The following FMNL1 variants were observed in gnomAD, a reference collection of about 807,000 sequenced individuals.
The protein encoded by FMNL1 is formin like 1.
In FMNL1, 43 loss-of-function variants were observed where a neutral mutation model predicts 121.3. The ratio of observed to expected loss-of-function variants is 0.35; its 90% confidence interval spans 0.28 to 0.46. The LOEUF (loss-of-function observed/expected upper bound fraction) is 0.46, where lower values mean the gene tolerates loss of function less well. Ranked by LOEUF, FMNL1 falls within the 20% of genes least tolerant of loss-of-function variation. The pLI is 1.00. For synonymous variants in FMNL1, 613 were observed against 613.5 expected, an observed-to-expected ratio of 1.00 and a Z score of 0.01; for missense variants, 1,191 against 1,482.4, an observed-to-expected ratio of 0.80 and a Z score of 3.23.
At chr17:45,242,232 C>G (rs750478499) in intron 15 of FMNL1, 86 bp downstream of exon 15, 2 of 1,570,342 alleles carry the variant, frequency 1.3e-6, no homozygotes, top group Non-Finnish European at 1.7e-6. Flanking sequence ...GGGTCCTCTG[C>G]CTGGGGGCCT....
intron 11 of FMNL1, 138 bp from the exon 12 acceptor site, chr17:45,240,338 T>C: frequency 4.8e-6 from 4 of 829,912 alleles, no homozygotes; most frequent in Non-Finnish European, 5.2e-6. Context: ...GTGAATTATA[T>C]ATTAAAAAAT....
intron 5 of FMNL1, 62 bp from the exon 6 acceptor site, chr17:45,234,010 C>T: frequency 6.3e-7 from 1 of 1,589,496 alleles, no homozygotes; most frequent in East Asian, 2.3e-5. Context: ...TGCGTTTCCT[C>T]TGCCCCCTCT....
Position 45,241,901 on chromosome 17 carries a change from C to A in FMNL1, c.1640C>A (p.Pro547Gln), listed in dbSNP as rs1230236354. 59 of 1,418,192 alleles carry A rather than the reference C, an allele frequency of 4.2e-5. No homozygotes were observed. Among genetic ancestry groups the A allele is most frequent in the Non-Finnish European group, 5.0e-5 (55 of 1,095,174 alleles). 87.9% of individuals were successfully genotyped at this position (1,418,192 alleles called of 1,614,324 possible). Residue 547 changes from proline (P) to glutamine (Q), a missense_variant, in exon 15 of 27, where the codon CCA becomes CAA. Physicochemically the swap from Pro to Gln is moderately conservative, Grantham distance 76. Around this residue, in one of 4 missense-constraint regions of FMNL1, gnomAD observed 519 missense variants for 492.8 expected, o/e 1.05. Coordinates refer to ENST00000331495, the MANE Select transcript of FMNL1 (RefSeq NM_005892.4). This position sits in a 1 kb window ranked among gnomAD's most constrained non-coding sequence, Gnocchi z 7.0. The part of the protein sequence containing the change: ...APGAAPPPPP[P>Q]LPGLPSPQEA... The stretch of plus-strand genomic sequence containing the variant: ...GGAGCAGCGCCACCGCCGCCGCCCC[C>A]ACTGCCCGGCCTCCCCTCCCCGCAG...
intron 1 of FMNL1, among the ~76,000 whole-genome samples, chr17:45,223,826 A>G (rs1017095365): frequency 3.9e-5 from 6 of 152,158 alleles, no homozygotes; most frequent in African/African-American, 1.4e-4. Flanking sequence ...TCCTGACCCC[A>G]ATCTTCTGTT....
chr17:45,234,001 G>C, intron 5 of FMNL1, 71 bp from the exon 6 acceptor site: 1 of 1,572,212 alleles, frequency 6.4e-7, no homozygotes, highest in Non-Finnish European at 8.6e-7. Flanking sequence ...GTCTCTCCTT[G>C]CGTTTCCTCT....
chr17:45,242,126 G>T lies in FMNL1; in HGVS notation c.1865G>T (p.Arg622Leu), dbSNP rs767507016. The change falls in exon 15 of 27, where the codon CGC (arginine) becomes CTC (leucine). Residue 622 changes from arginine to leucine, a missense_variant. By Grantham distance (102) the Arg-to-Leu change is moderately radical. This residue lies in a region of FMNL1 where 519 missense variants were observed against 492.8 expected (regional missense o/e 1.05). Coordinates refer to ENST00000331495, the MANE Select transcript of FMNL1 (RefSeq NM_005892.4). ...PGGPPDALGR[R>L]DSELGPGVKA... ...GGTCCTCCTGATGCCCTAGGAAGAC[G>T]CGACTCAGAATTGGGCCCAGGTGAG... 2.0e-6 allele frequency: 3 copies of T among 1,537,804 alleles called. No individual in the cohort carries two copies. The highest frequency in any genetic ancestry group is 4.1e-5 in the Admixed American group (2 of 49,044).
chr17:45,238,656 G>A lies in FMNL1; in HGVS notation c.969+18G>A. On this transcript the variant is annotated intron_variant, in intron 10 of 26. Coordinates refer to ENST00000331495, the MANE Select transcript of FMNL1 (RefSeq NM_005892.4). ...ACTTCATGGTGAGCTCAGGAGCCCA[G>A]CAGCCTGAGGCCTGGGCCAGGCCCT... 6.2e-7 allele frequency: 1 copy of A among 1,613,926 alleles called. No homozygotes were observed. Among genetic ancestry groups the A allele is most frequent in the South Asian group, 1.1e-5 (1 of 91,078 alleles).
chr17:45,229,208 G>A (rs973537074), intron 1 of FMNL1, among the ~76,000 whole-genome samples: 11 of 152,222 alleles, frequency 7.2e-5, no homozygotes, highest in Non-Finnish European at 1.5e-4. Flanking sequence ...CGCTGGGGGC[G>A]GGGGGCCTGG....
intron 1 of FMNL1, among the ~76,000 whole-genome samples, chr17:45,229,582 T>C (rs746825159): frequency 9.2e-5 from 14 of 152,224 alleles, no homozygotes; most frequent in Non-Finnish European, 1.8e-4. Flanking sequence ...GCCAGACATA[T>C]AGAAGGCTCT....
chr17:45,241,078 G>C lies in FMNL1; in HGVS notation c.1231-51G>C, dbSNP rs758950316. ...TGCCTGATGCCGCCCCCTCACCGGC[G>C]GTGCCAGTGCCGGGCTGCGGGTCGG... is the stretch of plus-strand genomic sequence containing the variant. On this transcript the variant is annotated intron_variant, in intron 12 of 26. Coordinates refer to ENST00000331495, the MANE Select transcript of FMNL1 (RefSeq NM_005892.4). The surrounding 1 kb of genome is among the most constrained non-coding windows in gnomAD (Gnocchi z 7.0). The C allele has an allele frequency of 3.5e-5, 56 of 1,601,422 alleles. No individual in the cohort carries two copies. Among genetic ancestry groups the C allele is most frequent in the Non-Finnish European group, 4.4e-5 (52 of 1,170,998 alleles).
chr17:45,246,678 T>G, intron 26 of FMNL1, 74 bp downstream of exon 26: 7 of 1,399,890 alleles, frequency 5.0e-6, no homozygotes, highest in South Asian at 1.3e-5. Context: ...TGAGGCATGC[T>G]GCCTTCTCCT....
intron 26 of FMNL1, 64 bp downstream of exon 26, chr17:45,246,668 T>G: frequency 6.8e-7 from 1 of 1,475,006 alleles, no homozygotes; most frequent in Non-Finnish European, 9.2e-7. Context: ...TTGGGAGAAC[T>G]GAGGCATGCT....
At position 45,233,031 on chromosome 17, in the gene FMNL1, TG is replaced by T; in HGVS notation, c.328-188del. On this transcript the variant is annotated intron_variant, in intron 3 of 26. Transcript: ENST00000331495. This position sits in a 1 kb window ranked among gnomAD's most constrained non-coding sequence, Gnocchi z 4.1. ...TGTGTGTACCCTGCTTGTCTATGTA[TG>T]GGGGAGCACATGTAGCCTGTGAGTT... is the stretch of plus-strand genomic sequence containing the variant. The T allele has an allele frequency of 2.9e-6, 2 of 678,620 alleles. No individual in the cohort carries two copies. Among genetic ancestry groups the T allele is most frequent in the Non-Finnish European group, 5.4e-6 (2 of 370,350 alleles). 42.0% of individuals were successfully genotyped at this position (678,620 alleles called of 1,614,324 possible).
chr17:45,240,300 G>T lies in FMNL1; in HGVS notation c.1081-176G>T, dbSNP rs1057224726. ...TGGCTATACTAAGAATGACTGAATT[G>T]TACACTTTAAAATGGATTTTATGAT... On this transcript the variant is annotated intron_variant, in intron 11 of 26. Coordinates refer to ENST00000331495, the MANE Select transcript of FMNL1 (RefSeq NM_005892.4). 5.1e-6 allele frequency: 3 copies of T among 589,472 alleles called. No individual in the cohort carries two copies. The African/African-American group carries it at 5.6e-5, about 11-fold the overall frequency. 36.5% of individuals were successfully genotyped at this position (589,472 alleles called of 1,614,324 possible).
At chr17:45,228,954 T>C (rs2043384381) in intron 1 of FMNL1, among the ~76,000 whole-genome samples, 1 of 151,868 alleles carries the variant, frequency 6.6e-6, no homozygotes, top group Non-Finnish European at 1.5e-5. Flanking sequence ...CTCTGTGGGG[T>C]GGGGGTGACT....
chr17:45,245,541 C>T, intron 22 of FMNL1, 91 bp from the exon 23 acceptor site: 2 of 1,598,812 alleles, frequency 1.3e-6, no homozygotes, highest in South Asian at 2.2e-5. Context: ...GGCCACCCTG[C>T]CTGGGAGGAG....
Position 45,242,334 on chromosome 17 carries a change from G to A in FMNL1, c.1886-7G>A, listed in dbSNP as rs1406808290. The A allele has an allele frequency of 8.7e-6, 14 of 1,613,432 alleles. No homozygotes were observed. The highest frequency in any genetic ancestry group is 2.2e-5 in the South Asian group (2 of 91,036). On this transcript the variant is annotated splice_polypyrimidine_tract_variant and splice_region_variant and intron_variant, in intron 15 of 26. Transcript: ENST00000331495. The stretch of plus-strand genomic sequence containing the variant: ...TGCTCACCACTGCCCCCAAACCCCC[G>A]TCCCAGGAGTGAAGGCCAAGAAGCC...
chr17:45,236,811 T>TA (rs1447765376), intron 7 of FMNL1, among the ~76,000 whole-genome samples: 2 of 151,254 alleles, frequency 1.3e-5, no homozygotes, highest in Admixed American at 6.6e-5. Context: ...AATAAAAAAA[T>TA]AAAAAATAAA....
At chr17:45,244,749 C>A in intron 19 of FMNL1, 70 bp from the exon 20 acceptor site, 1 of 1,509,244 alleles carries the variant, frequency 6.6e-7, no homozygotes, top group Non-Finnish European at 9.0e-7. Context: ...TCTTCTCCTC[C>A]TTGTGCAATA....
Sources: allele counts gnomAD v4.1 joint callset (sites outside exome capture counted in the v4.1 genomes callset), GRCh38; gene constraint gnomAD v4.1.1; regional missense constraint gnomAD v4.1.1; non-coding constraint Gnocchi (gnomAD v3.1); transcripts MANE v1.5; gene names NCBI Gene and HGNC (gene_info 2026-07-23, HGNC 2026-07-21).